Variants in DPYD observed in about 807,000 individuals in gnomAD.
DPYD encodes the protein dihydropyrimidine dehydrogenase.
In DPYD, 109 loss-of-function variants were observed where a neutral mutation model predicts 116.2. That is an observed-to-expected ratio of 0.94 (90% CI 0.80 to 1.10). The LOEUF (loss-of-function observed/expected upper bound fraction) is 1.10, where lower values mean the gene tolerates loss of function less well. Ranked by LOEUF, DPYD falls within the 50% of genes least tolerant of loss-of-function variation. The probability of loss-of-function intolerance (pLI) is 0.00; values close to 1 mark genes in which losing one functional copy is unlikely to be tolerated. For synonymous variants in DPYD, 440 were observed against 432.0 expected, an observed-to-expected ratio of 1.02 and a Z score of -0.23; for missense variants, 1,302 against 1,254.5, an observed-to-expected ratio of 1.04 and a Z score of -0.57.
At chr1:97,397,167 T>C (rs201373498) in intron 14 of DPYD, among the ~76,000 whole-genome samples, 3 of 152,048 alleles carry the variant, frequency 2.0e-5, no homozygotes, top group Non-Finnish European at 4.4e-5. Flanking sequence ...CCTATGAAGA[T>C]TGTAATACTT....
At chr1:97,912,249 A>G (rs1397841394) in intron 1 of DPYD, among the ~76,000 whole-genome samples, 1 of 152,150 alleles carries the variant, frequency 6.6e-6, no homozygotes, top group Admixed American at 6.5e-5. Flanking sequence ...AACACTCTCA[A>G]GTGTATTTCC....
At position 97,809,026 on chromosome 1, in the gene DPYD, A is replaced by G. The variant is rs538877113; in HGVS notation, c.233+19088T>C. Among the ~76,000 whole-genome samples the G allele has an allele frequency of 2.0e-5, 3 of 152,276 alleles. No individual in the cohort carries two copies. In the South Asian group the frequency reaches 6.2e-4, roughly 32 times the overall value. On this transcript the variant is annotated intron_variant, in intron 3 of 22. Coordinates refer to ENST00000370192, the MANE Select transcript of DPYD (RefSeq NM_000110.4). ...AAATATGAGAGATAAATTGAGTTCT[A>G]AAATATAAAGTCATGGAGGCAGTAG...
intron 8 of DPYD, among the ~76,000 whole-genome samples, chr1:97,611,980 T>C (rs989308783): frequency 1.3e-5 from 2 of 152,074 alleles, no homozygotes; most frequent in Admixed American, 6.6e-5. Flanking sequence ...CATAACTTTA[T>C]TGTTAACATA....
intron 1 of DPYD, among the ~76,000 whole-genome samples, chr1:97,901,324 C>A (rs559066346): frequency 2.0e-5 from 3 of 151,816 alleles, no homozygotes; most frequent in Admixed American, 2.0e-4. Flanking sequence ...ACTGTAAATA[C>A]TGAAATCAAT....
At position 97,286,392 on chromosome 1, in the gene DPYD, T is replaced by C. The variant is rs186934702; in HGVS notation, c.2299+18867A>G. ...TCAATTTTGGTGAATCTGACGATTA[T>C]GTGTCTTGGAGTTGCTCTTCTCAAG... On this transcript the variant is annotated intron_variant, in intron 18 of 22. Transcript: ENST00000370192. 1.2e-4 allele frequency among the ~76,000 whole-genome samples: 19 copies of C among 152,332 alleles called. No individual in the cohort carries two copies. In the East Asian group the frequency reaches 1.7e-3, roughly 14 times the overall value.
intron 4 of DPYD, among the ~76,000 whole-genome samples, chr1:97,739,648 G>C (rs899490276): frequency 6.6e-6 from 1 of 152,056 alleles, no homozygotes; most frequent in Non-Finnish European, 1.5e-5. Context: ...GTTAAACCTT[G>C]TGAAAGGATT....
At chr1:97,325,542 T>C (rs1668665855) in intron 16 of DPYD, among the ~76,000 whole-genome samples, 1 of 152,046 alleles carries the variant, frequency 6.6e-6, no homozygotes, top group African/African-American at 2.4e-5. Context: ...CTTCATGGTT[T>C]AGGCCATTCT....
chr1:97,250,889 G>A (rs975958252), intron 18 of DPYD, among the ~76,000 whole-genome samples: 5 of 152,002 alleles, frequency 3.3e-5, no homozygotes, highest in African/African-American at 1.2e-4. Context: ...TAACTTATCT[G>A]AACATATATC....
chr1:97,543,567 C>A (rs932537483), intron 12 of DPYD, among the ~76,000 whole-genome samples: 14 of 152,096 alleles, frequency 9.2e-5, no homozygotes, highest in Admixed American at 8.5e-4. Context: ...TCCCCCAAAA[C>A]AAACTAATGT....
At chr1:97,666,041 T>C (rs908085752) in intron 8 of DPYD, among the ~76,000 whole-genome samples, 1 of 152,216 alleles carries the variant, frequency 6.6e-6, no homozygotes, top group Admixed American at 6.5e-5. Context: ...ATTTTCTTTT[T>C]TCTTAAGTTA....
chr1:97,577,193 C>T (rs951773145), intron 10 of DPYD, among the ~76,000 whole-genome samples: 22 of 152,126 alleles, frequency 1.4e-4, no homozygotes, highest in African/African-American at 4.6e-4. Flanking sequence ...TTCAGTCACC[C>T]TTGACACACA....
intron 16 of DPYD, among the ~76,000 whole-genome samples, chr1:97,365,466 T>C (rs1234476614): frequency 6.6e-6 from 1 of 152,206 alleles, no homozygotes; most frequent in Non-Finnish European, 1.5e-5. Flanking sequence ...TTTTATTTCA[T>C]CCTTATGCTA....
At chr1:97,842,207 C>A (rs543291002) in intron 2 of DPYD, among the ~76,000 whole-genome samples, 2 of 151,668 alleles carry the variant, frequency 1.3e-5, no homozygotes, top group Middle Eastern at 3.4e-3. Context: ...TCAACTTTGG[C>A]GATATATAAA....
intron 14 of DPYD, among the ~76,000 whole-genome samples, chr1:97,407,069 C>G (rs978876210): frequency 6.6e-6 from 1 of 152,060 alleles, no homozygotes; most frequent in Admixed American, 6.6e-5. Flanking sequence ...TTATAAACTT[C>G]CTTTCAGAGG....
At chr1:97,152,561 C>T (rs575820392) in intron 20 of DPYD, among the ~76,000 whole-genome samples, 64 of 150,558 alleles carry the variant, frequency 4.3e-4, no homozygotes, top group African/African-American at 1.3e-3. Flanking sequence ...ATTAATGTCA[C>T]GTAAAAATAC....
At chr1:97,301,709 T>C (rs1259843304) in intron 18 of DPYD, among the ~76,000 whole-genome samples, 3 of 150,914 alleles carry the variant, frequency 2.0e-5, no homozygotes, top group Non-Finnish European at 4.4e-5. Context: ...GTTATCCTCA[T>C]GAAGTCAGCT....
chr1:97,576,129 A>G (rs1653245217), intron 10 of DPYD, among the ~76,000 whole-genome samples: 1 of 152,036 alleles, frequency 6.6e-6, no homozygotes, highest in African/African-American at 2.4e-5. Context: ...TATGATTCCA[A>G]TATGTAAAAT....
At chr1:97,224,109 T>C (rs560162520) in intron 19 of DPYD, among the ~76,000 whole-genome samples, 17 of 152,146 alleles carry the variant, frequency 1.1e-4, no homozygotes, top group African/African-American at 4.1e-4. Context: ...TCAAATAAGA[T>C]TAAAAAATCA....
At chr1:97,678,095 T>C (rs1034050707) in intron 8 of DPYD, among the ~76,000 whole-genome samples, 6 of 152,018 alleles carry the variant, frequency 3.9e-5, no homozygotes, top group Admixed American at 1.3e-4. Flanking sequence ...ATGGACCGGG[T>C]TGGAGAAAGA....
Sources: allele counts gnomAD v4.1 joint callset (sites outside exome capture counted in the v4.1 genomes callset), GRCh38; gene constraint gnomAD v4.1.1; transcripts MANE v1.5; gene names NCBI Gene and HGNC (gene_info 2026-07-23, HGNC 2026-07-21).